VPS8: variants seen among roughly 807,000 people sequenced by gnomAD.
VPS8 encodes vacuolar protein sorting-associated protein 8 homolog.
A neutral mutation model predicts 216.4 loss-of-function variants in VPS8; 129 were observed. The observed-to-expected ratio is 0.60, with a 90% CI of 0.52 to 0.69. VPS8 has a LOEUF of 0.69. Ranked by LOEUF, VPS8 falls within the 30% of genes least tolerant of loss-of-function variation. VPS8 has a pLI of 0.00. For synonymous variants in VPS8, 571 were observed against 565.4 expected, an observed-to-expected ratio of 1.01 and a Z score of -0.14; for missense variants, 1,531 against 1,683.5, an observed-to-expected ratio of 0.91 and a Z score of 1.59.
intron 1 of VPS8, among the ~76,000 whole-genome samples, chr3:184,817,704 A>T (rs79211583): frequency 6.6e-6 from 1 of 152,220 alleles, no homozygotes; most frequent in Non-Finnish European, 1.5e-5. Context: ...AATAACACTG[A>T]TAGATTTAAT....
At chr3:184,833,922 T>C (rs564938110) in intron 4 of VPS8, among the ~76,000 whole-genome samples, 1 of 152,368 alleles carries the variant, frequency 6.6e-6, no homozygotes, top group East Asian at 1.9e-4. Flanking sequence ...TTAGAGTTAC[T>C]TCTCAGCCCC....
intron 45 of VPS8, among the ~76,000 whole-genome samples, chr3:185,019,858 T>A (rs1462301890): frequency 6.6e-6 from 1 of 152,248 alleles, no homozygotes. Flanking sequence ...TTTTGAGAGA[T>A]AAGTGAAGAC....
chr3:185,029,535 T>C (rs1757821063), intron 46 of VPS8, among the ~76,000 whole-genome samples: 1 of 152,142 alleles, frequency 6.6e-6, no homozygotes, highest in Non-Finnish European at 1.5e-5. Flanking sequence ...CCGCTGCATG[T>C]CAGAGTGTGC....
At chr3:184,944,598 A>G (rs753197143) in intron 36 of VPS8, 27 of 983,690 alleles carry the variant, frequency 2.7e-5, no homozygotes, top group Non-Finnish European at 3.1e-5. Context: ...GTGCAAGTAT[A>G]TTTATATTCT....
intron 42 of VPS8, among the ~76,000 whole-genome samples, chr3:184,984,194 A>AAAAAAAAAAAAAAAAAAAAACCAAG: frequency 2.1e-5 from 1 of 46,528 alleles, no homozygotes; most frequent in African/African-American, 6.7e-5. Context: ...AAAAAAAAAA[A>AAAAAAAAAAAAAAAAAAAAACCAAG]CTCTACTTCC....
At chr3:184,997,925 G>A (rs1237040873) in intron 44 of VPS8, among the ~76,000 whole-genome samples, 3 of 152,128 alleles carry the variant, frequency 2.0e-5, no homozygotes, top group Admixed American at 6.5e-5. Context: ...TTTAAGTGAC[G>A]TTTGAGGGGA....
chr3:184,896,394 C>T (rs995014049), intron 23 of VPS8, among the ~76,000 whole-genome samples: 2 of 152,058 alleles, frequency 1.3e-5, no homozygotes, highest in Non-Finnish European at 2.9e-5. Context: ...TTTCAAAATG[C>T]TCCCCTCAGT....
At chr3:184,926,302 G>A (rs1472887182) in intron 30 of VPS8, among the ~76,000 whole-genome samples, 4 of 151,624 alleles carry the variant, frequency 2.6e-5, no homozygotes, top group African/African-American at 4.8e-5. Context: ...ACTTGAACCC[G>A]GGAGGCAGAG....
chr3:185,033,082 C>T (rs1758402394), intron 46 of VPS8, among the ~76,000 whole-genome samples: 1 of 152,054 alleles, frequency 6.6e-6, no homozygotes, highest in Non-Finnish European at 1.5e-5. Flanking sequence ...CTATTATTAA[C>T]ATCTTGCATC....
At chr3:184,850,151 A>T in intron 10 of VPS8, 129 bp downstream of exon 10, 1 of 687,102 alleles carries the variant, frequency 1.5e-6, no homozygotes, top group South Asian at 2.1e-5. Context: ...ACATTACCTT[A>T]TAAATAGAAT....
At chr3:184,862,871 T>C (rs1726630794) in intron 15 of VPS8, 26 bp from the exon 16 acceptor site, 2 of 1,597,688 alleles carry the variant, frequency 1.3e-6, no homozygotes, top group South Asian at 2.2e-5. Context: ...GTCTCACTTT[T>C]GTTTTGTTGT....
At chr3:185,047,943 A>G (rs530403362) in intron 46 of VPS8, among the ~76,000 whole-genome samples, 98 of 152,312 alleles carry the variant, frequency 6.4e-4, no homozygotes, top group African/African-American at 2.2e-3. Context: ...CCACAATAAC[A>G]GGTGGAACAA....
In VPS8 at chr3:184,932,172, A is replaced by G. The variant is rs535556189; in HGVS notation, c.2898+1604A>G. On this transcript the variant is annotated intron_variant, in intron 34 of 47. Transcript: ENST00000625842. ...GTAATGTAAATATAATCAACATTAAATACATAGGACAAAAAGGCATCATAA... is the reference window on the plus strand; with the variant it reads ...GTAATGTAAATATAATCAACATTAAGTACATAGGACAAAAAGGCATCATAA... Among the ~76,000 whole-genome samples, 20 of 152,274 alleles carry G rather than the reference A, an allele frequency of 1.3e-4. No homozygotes were observed. In the South Asian group the frequency reaches 1.5e-3, roughly 11 times the overall value.
intron 22 of VPS8, among the ~76,000 whole-genome samples, chr3:184,892,704 C>T (rs981937049): frequency 1.3e-5 from 2 of 152,052 alleles, no homozygotes; most frequent in Non-Finnish European, 2.9e-5. Context: ...AAGAAAGAAA[C>T]GTGTGGTTTT....
chr3:184,890,569 C>A (rs1490853901), intron 22 of VPS8, among the ~76,000 whole-genome samples: 1 of 152,108 alleles, frequency 6.6e-6, no homozygotes, highest in Non-Finnish European at 1.5e-5. Context: ...AGTTTCATAA[C>A]TCAGATAATT....
At chr3:184,996,087 T>C (rs1752577273) in intron 43 of VPS8, among the ~76,000 whole-genome samples, 1 of 152,216 alleles carries the variant, frequency 6.6e-6, no homozygotes, top group African/African-American at 2.4e-5. Context: ...CAATAGAAAC[T>C]AATGACAGAT....
At chr3:185,051,513 G>A (rs545394217) in intron 47 of VPS8, among the ~76,000 whole-genome samples, 15 of 152,260 alleles carry the variant, frequency 9.9e-5, no homozygotes, top group South Asian at 2.1e-4. Context: ...AGCCCAGGGC[G>A]CGTCCACAGG....
chr3:184,941,638 G>A (rs969769774), intron 36 of VPS8, among the ~76,000 whole-genome samples: 2 of 151,800 alleles, frequency 1.3e-5, no homozygotes, highest in African/African-American at 4.8e-5. Context: ...GGAAGGAAAC[G>A]CCAGCCCCAC....
At chr3:184,876,072 C>G (rs1487316553) in intron 21 of VPS8, among the ~76,000 whole-genome samples, 1 of 151,842 alleles carries the variant, frequency 6.6e-6, no homozygotes, top group African/African-American at 2.4e-5. Context: ...TTCTGTGGAC[C>G]CTTTTATTTC....
Sources: gnomAD v4.1 joint callset for allele counts (sites outside exome capture counted in the v4.1 genomes callset) on GRCh38, gnomAD v4.1.1 for gene constraint, MANE v1.5 for transcripts, NCBI Gene and HGNC (gene_info 2026-07-23, HGNC 2026-07-21) for gene names.